TBC1D15: variants seen among roughly 807,000 people sequenced by gnomAD.
TBC1D15 encodes TBC1 domain family member 15, also known as GAP for RAB7.
TBC1D15 carries 39 observed loss-of-function variants against 95.4 expected under a neutral mutation model. That is an observed-to-expected ratio of 0.41 (90% confidence interval 0.32 to 0.53). The LOEUF (loss-of-function observed/expected upper bound fraction) is 0.53. TBC1D15 is among the 20% of genes least tolerant of loss of function. The pLI is 0.29. For synonymous variants in TBC1D15, 258 were observed against 261.3 expected, an observed-to-expected ratio of 0.99 and a Z score of 0.12; for missense variants, 733 against 794.3, an observed-to-expected ratio of 0.92 and a Z score of 0.93.
intron 1 of TBC1D15, among the ~76,000 whole-genome samples, chr12:71,865,926 C>T (rs1450910349): frequency 6.6e-6 from 1 of 151,996 alleles, no homozygotes; most frequent in Non-Finnish European, 1.5e-5. Flanking sequence ...AGCTTGGGTA[C>T]TGGGGTGTGT....
intron 1 of TBC1D15, among the ~76,000 whole-genome samples, chr12:71,853,055 T>G (rs982782620): frequency 1.3e-5 from 2 of 152,212 alleles, no homozygotes; most frequent in Non-Finnish European, 2.9e-5. Context: ...CTGGGCAATT[T>G]ATAGAGAAAA....
At chr12:71,881,314 C>G (rs975334841) in intron 4 of TBC1D15, among the ~76,000 whole-genome samples, 3 of 151,930 alleles carry the variant, frequency 2.0e-5, no homozygotes, top group Non-Finnish European at 4.4e-5. Context: ...GGTTTGTAGC[C>G]CAGAATTTCA....
intron 1 of TBC1D15, among the ~76,000 whole-genome samples, chr12:71,855,771 C>A (rs1333126303): frequency 1.3e-5 from 2 of 150,270 alleles, no homozygotes; most frequent in African/African-American, 2.4e-5. Context: ...TAACTTTTAT[C>A]ATAATCACTT....
chr12:71,839,846 C>G, intron 1 of TBC1D15, 35 bp downstream of exon 1: 2 of 1,613,918 alleles, frequency 1.2e-6, no homozygotes, highest in Non-Finnish European at 1.7e-6. Context: ...CTCGGCTTTT[C>G]TCTGGGACGG....
At chr12:71,896,205 G>C in intron 8 of TBC1D15, 130 bp downstream of exon 8, 1 of 806,520 alleles carries the variant, frequency 1.2e-6, no homozygotes, top group Non-Finnish European at 1.9e-6. Flanking sequence ...GGGAAGTAGG[G>C]AGGAATGAAC....
chr12:71,862,503 C>T (rs1026925736), intron 1 of TBC1D15, among the ~76,000 whole-genome samples: 12 of 152,194 alleles, frequency 7.9e-5, no homozygotes. Context: ...GCTACTGCTG[C>T]TCTCTTGGTT....
At chr12:71,878,903 A>C (rs948443738) in intron 3 of TBC1D15, among the ~76,000 whole-genome samples, 1 of 151,678 alleles carries the variant, frequency 6.6e-6, no homozygotes, top group African/African-American at 2.4e-5. Flanking sequence ...TCTATTTGAT[A>C]ATTTCATTTG....
intron 1 of TBC1D15, among the ~76,000 whole-genome samples, chr12:71,857,857 T>C (rs1889449537): frequency 6.6e-6 from 1 of 152,196 alleles, no homozygotes; most frequent in Non-Finnish European, 1.5e-5. Context: ...CCACAACCCT[T>C]CTCTGCCTGT....
chr12:71,922,857 A>T, intron 16 of TBC1D15, 126 bp from the exon 17 acceptor site: 1 of 880,502 alleles, frequency 1.1e-6, no homozygotes, highest in Non-Finnish European at 1.8e-6. Context: ...AGGGTACATG[A>T]CATTTACACT....
intron 10 of TBC1D15, among the ~76,000 whole-genome samples, chr12:71,904,995 A>G (rs893935410): frequency 6.6e-6 from 1 of 152,200 alleles, no homozygotes; most frequent in Admixed American, 6.5e-5. Flanking sequence ...ACATCAGATT[A>G]GATGGAGAGT....
At chr12:71,877,224 T>A (rs1015069254) in intron 3 of TBC1D15, among the ~76,000 whole-genome samples, 2 of 151,062 alleles carry the variant, frequency 1.3e-5, no homozygotes, top group South Asian at 2.1e-4. Context: ...TTTTTTTTTT[T>A]AAACCTCTCT....
chr12:71,899,230 A>G (rs1189199837), intron 10 of TBC1D15, among the ~76,000 whole-genome samples: 1 of 152,334 alleles, frequency 6.6e-6, no homozygotes, highest in East Asian at 1.9e-4. Flanking sequence ...GATCCTTTCC[A>G]GGAGACTGGT....
intron 6 of TBC1D15, 179 bp from the exon 7 acceptor site, chr12:71,894,506 CT>C: frequency 8.3e-7 from 1 of 1,205,714 alleles, no homozygotes. Context: ...AAATGATTGG[CT>C]TAGAAAATTT....
At chr12:71,859,328 T>C (rs530793606) in intron 1 of TBC1D15, among the ~76,000 whole-genome samples, 2 of 152,334 alleles carry the variant, frequency 1.3e-5, no homozygotes, top group African/African-American at 4.8e-5. Context: ...TCGACTTTCT[T>C]GTATCTTCTG....
rs564362972 is a variant in TBC1D15 at position 71,872,448 on chromosome 12, C to T, written c.129+280C>T. Among the ~76,000 whole-genome samples, 136 of 152,208 alleles carry T rather than the reference C, an allele frequency of 8.9e-4. 1 individual carries two copies. In the Middle Eastern group the frequency reaches 0.01, roughly 11 times the overall value. ...GACATCATAGCTTAATTTCCTTAAA[C>T]GTGCTTAGAACACTTACATTAGCCT... is the stretch of plus-strand genomic sequence containing the variant. On this transcript the variant is annotated intron_variant, in intron 2 of 16. Transcript: ENST00000485960.
intron 14 of TBC1D15, among the ~76,000 whole-genome samples, chr12:71,919,755 G>T (rs897269528): frequency 6.6e-6 from 1 of 152,156 alleles, no homozygotes; most frequent in Non-Finnish European, 1.5e-5. Flanking sequence ...AAGCATGTGG[G>T]AGTTGTTTAT....
chr12:71,864,353 C>T (rs1891016173), intron 1 of TBC1D15, among the ~76,000 whole-genome samples: 1 of 152,162 alleles, frequency 6.6e-6, no homozygotes, highest in South Asian at 2.1e-4. Flanking sequence ...CAGGTGTGAG[C>T]TACTGCACCC....
At chr12:71,897,064 C>T (rs1040665338) in intron 9 of TBC1D15, among the ~76,000 whole-genome samples, 7 of 152,034 alleles carry the variant, frequency 4.6e-5, no homozygotes, top group Non-Finnish European at 8.8e-5. Context: ...AAGATAACTA[C>T]GTAGACATAC....
chr12:71,907,850 A>G (rs1901143748), intron 11 of TBC1D15: 1 of 152,188 alleles, frequency 6.6e-6, no homozygotes, highest in Non-Finnish European at 1.5e-5. Flanking sequence ...TTTTTGGTAA[A>G]TCTCTTTACC....
Sources: gnomAD v4.1 joint callset for allele counts (sites outside exome capture counted in the v4.1 genomes callset) on GRCh38, gnomAD v4.1.1 for gene constraint, MANE v1.5 for transcripts, NCBI Gene and HGNC (gene_info 2026-07-23, HGNC 2026-07-21) for gene names.